Variants in VSIG10L2 observed in about 807,000 individuals in gnomAD.
VSIG10L2 encodes V-set and immunoglobulin domain-containing protein 10-like 2.
Under a neutral mutation model 67.1 loss-of-function variants are expected in VSIG10L2, and 56 were observed. The ratio of observed to expected loss-of-function variants is 0.83; its 90% CI spans 0.67 to 1.04. VSIG10L2 has a LOEUF of 1.04. Among genes scored for constraint, VSIG10L2 ranks in the 50% least tolerant of loss-of-function variants. VSIG10L2 has a pLI of 0.00. For synonymous variants in VSIG10L2, 360 were observed against 396.6 expected, an observed-to-expected ratio of 0.91 and a Z score of 1.10; for missense variants, 843 against 932.8, an observed-to-expected ratio of 0.90 and a Z score of 1.25.
rs561611932 is a variant in VSIG10L2, at chr11:125,950,394, C to T, written c.985+105C>T. On this transcript the variant is annotated intron_variant, in intron 4 of 11. Transcript: ENST00000686984. ...CAGACCCCGCCGTCCCGTGGAGAGG[C>T]GTGTGCCAAAGCTGCTCTTGTTGGA... 1.3e-5 allele frequency: 15 copies of T among 1,154,654 alleles called. No homozygotes were observed. In the South Asian group the frequency reaches 1.8e-4, roughly 14 times the overall value. 71.5% of individuals were successfully genotyped at this position (1,154,654 alleles called of 1,614,324 possible).
intron 3 of VSIG10L2, 29 bp downstream of exon 3, chr11:125,948,609 C>G: frequency 8.1e-7 from 1 of 1,231,818 alleles, no homozygotes; most frequent in Non-Finnish European, 1.0e-6. Context: ...GGGGGGCTGT[C>G]AGGGCTGACA....
At chr11:125,949,074 A>G (rs1945331027) in intron 3 of VSIG10L2, among the ~76,000 whole-genome samples, 1 of 152,258 alleles carries the variant, frequency 6.6e-6, no homozygotes, top group South Asian at 2.1e-4. Context: ...GATGGAGCCA[A>G]TCCAAACTGA....
In VSIG10L2 at chr11:125,955,637, G is replaced by T. The variant is rs1591532340; in HGVS notation, c.2254G>T (p.Gly752Cys). The T allele has an allele frequency of 2.6e-6, 4 of 1,531,818 alleles. No homozygotes were observed. In the East Asian group the frequency reaches 7.4e-5, roughly 28 times the overall value. The allele number at this position is 1,531,818 out of a possible 1,614,324, so 94.9% of individuals were successfully genotyped here. Residue 752 changes from glycine to cysteine, a missense_variant, in exon 11 of 12, where the codon GGT becomes TGT. By Grantham distance (159) the Gly-to-Cys change is radical. This residue lies in a region of VSIG10L2 where 397 missense variants were observed against 384.4 expected (regional missense o/e 1.03). Transcript: ENST00000686984. ...VPTEQRHQQR[G>C]SREDAEAPAG... ...CAGGGAGCAAAGGCACCAACAGAGG[G>T]GTTCCAGAGAAGATGCTGAGGCACC...
chr11:125,947,967 T>A lies in VSIG10L2; in HGVS notation c.364T>A (p.Cys122Ser). Residue 122 changes from cysteine (C) to serine (S), a missense_variant, in exon 2 of 12, where the codon TGC becomes AGC. Cys to Ser is a moderately radical substitution (Grantham distance 112). Around this residue, in one of 2 missense-constraint regions of VSIG10L2, gnomAD observed 446 missense variants for 548.4 expected, o/e 0.81. Coordinates refer to ENST00000686984, the MANE Select transcript of VSIG10L2 (RefSeq NM_001365077.2). The stretch of plus-strand genomic sequence containing the variant: ...CGAGGGTGCCCGTGGCCACTTCCTA[T>A]GCCAGGTTCTGCACGTGGCTGGCGG... ...LHEGARGHFL[C>S]QVLHVAGGQL... is the part of the protein sequence containing the mutation. 8.1e-7 allele frequency: 1 copy of A among 1,232,284 alleles called. No individual in the cohort carries two copies. The highest frequency in any genetic ancestry group is 1.0e-6 in the Non-Finnish European group (1 of 988,058). 76.3% of individuals were successfully genotyped at this position (1,232,284 alleles called of 1,614,324 possible). A position where few individuals can be genotyped will look rare whatever the true frequency, so the allele number is the denominator to read the frequency against.
chr11:125,947,713 C>T lies in VSIG10L2; in HGVS notation c.110C>T (p.Pro37Leu). The T allele has an allele frequency of 8.1e-7, 1 of 1,232,386 alleles. No individual in the cohort carries two copies. Among genetic ancestry groups the T allele is most frequent in the African/African-American group, 1.5e-5 (1 of 64,554 alleles). The allele number at this position is 1,232,386 out of a possible 1,614,324, so 76.3% of individuals were successfully genotyped here. ...SGQPHPTPEAPVEEVVSVQGV... is the reference protein window; with the variant it reads ...SGQPHPTPEALVEEVVSVQGV... ...CAGCCCCACCCGACCCCCGAGGCCC[C>T]TGTAGAGGAGGTGGTGTCTGTCCAG... Residue 37 changes from proline (P) to leucine (L), a missense_variant, in exon 2 of 12, where the codon CCT (proline) becomes CTT (leucine). Physicochemically the swap from Pro to Leu is moderately conservative, Grantham distance 98. This residue lies in a region of VSIG10L2 where 446 missense variants were observed against 548.4 expected (regional missense o/e 0.81). Coordinates refer to ENST00000686984, the MANE Select transcript of VSIG10L2 (RefSeq NM_001365077.2).
chr11:125,954,532 A>C, intron 8 of VSIG10L2, 149 bp downstream of exon 8: 1 of 594,026 alleles, frequency 1.7e-6, no homozygotes. Flanking sequence ...CTCTCTCTCC[A>C]CTCTCCCCTC....
At chr11:125,952,961 T>C (rs1015099011) in intron 6 of VSIG10L2, among the ~76,000 whole-genome samples, 15 of 152,318 alleles carry the variant, frequency 9.8e-5, no homozygotes, top group Non-Finnish European at 1.8e-4. Context: ...AGGAGATTCA[T>C]TGACACCTGA....
At chr11:125,953,745 A>T in intron 7 of VSIG10L2, 55 bp downstream of exon 7, 1 of 1,227,092 alleles carries the variant, frequency 8.1e-7, no homozygotes, top group Middle Eastern at 3.1e-4. Context: ...GGAGACCAAC[A>T]GCCACAGAGT....
At chr11:125,954,003 CTCT>C in intron 7 of VSIG10L2, 81 bp from the exon 8 acceptor site, 1 of 1,150,972 alleles carries the variant, frequency 8.7e-7, no homozygotes, top group Non-Finnish European at 1.1e-6. Flanking sequence ...GCCAGGCTGT[CTCT>C]TGACAGGAGC....
At chr11:125,952,817 C>T (rs532708273) in intron 6 of VSIG10L2, among the ~76,000 whole-genome samples, 66 of 152,360 alleles carry the variant, frequency 4.3e-4, no homozygotes, top group Admixed American at 3.4e-3. Context: ...TCACACACAA[C>T]AGTTCTCACA....
rs1404612795 is a variant in VSIG10L2 at position 125,946,260 on chromosome 11, C to T, written c.82+123C>T. ...TGAAGTCCGTTCAGTCATTCATCGG[C>T]TAGACATTTAACTAGCGTTCACTGA... On this transcript the variant is annotated intron_variant, in intron 1 of 11. Transcript: ENST00000686984. The surrounding 1 kb of genome is among the most constrained non-coding windows in gnomAD (Gnocchi z 4.4). 2.5e-6 allele frequency: 1 copy of T among 396,880 alleles called. No homozygotes were observed. Among genetic ancestry groups the T allele is most frequent in the Non-Finnish European group, 4.4e-6 (1 of 225,362 alleles). 24.6% of individuals were successfully genotyped at this position (396,880 alleles called of 1,614,324 possible). A position where few individuals can be genotyped will look rare whatever the true frequency, so the allele number is the denominator to read the frequency against.
At chr11:125,949,422 G>T (rs147408431) in intron 3 of VSIG10L2, among the ~76,000 whole-genome samples, 151 of 152,296 alleles carry the variant, frequency 9.9e-4, no homozygotes, top group African/African-American at 3.4e-3. Flanking sequence ...TCACCGTGGC[G>T]GTTTGTGGAA....
chr11:125,955,752 C>A, intron 11 of VSIG10L2, 65 bp from the exon 12 acceptor site: 2 of 1,187,786 alleles, frequency 1.7e-6, no homozygotes, highest in Non-Finnish European at 2.4e-6. Flanking sequence ...CTCTCTTGAG[C>A]TCTGGGAACA....
At chr11:125,954,981 G>A (rs770416015) in intron 8 of VSIG10L2, 76 bp from the exon 9 acceptor site, 193 of 1,227,442 alleles carry the variant, frequency 1.6e-4, no homozygotes, top group Non-Finnish European at 1.9e-4. Flanking sequence ...CAGAACCCTA[G>A]TGGTTCCCTA....
chr11:125,948,308 C>T lies in VSIG10L2; in HGVS notation c.437C>T (p.Pro146Leu), dbSNP rs949335899. ...YSHLTLAVLV[P>L]VSKPQVRLSN... ...GGCCTCTCCCTCCTCTGGCCAGTGC[C>T]GGTGTCCAAGCCTCAAGTGCGACTG... The change falls in exon 3 of 12, where the codon CCG becomes CTG. Residue 146 changes from proline to leucine, a missense_variant. By Grantham distance (98) the Pro-to-Leu change is moderately conservative (BLOSUM62 -3). This residue lies in a region of VSIG10L2 where 446 missense variants were observed against 548.4 expected (regional missense o/e 0.81). Transcript: ENST00000686984. The T allele has an allele frequency of 7.3e-6, 9 of 1,232,604 alleles. No individual in the cohort carries two copies. In the South Asian group the frequency reaches 1.6e-4, roughly 23 times the overall value. The allele number at this position is 1,232,604 out of a possible 1,614,324, so 76.4% of individuals were successfully genotyped here.
At chr11:125,950,710 G>A (rs988616650) in intron 4 of VSIG10L2, among the ~76,000 whole-genome samples, 200 bp from the exon 5 acceptor site, 10 of 152,012 alleles carry the variant, frequency 6.6e-5, no homozygotes, top group African/African-American at 1.9e-4. Context: ...CTGTACACTC[G>A]GTAACCTCCT....
intron 2 of VSIG10L2, 130 bp from the exon 3 acceptor site, chr11:125,948,175 G>T (rs1469466775): frequency 8.1e-7 from 1 of 1,231,392 alleles, no homozygotes; most frequent in Non-Finnish European, 1.0e-6. Context: ...GAAAGCTGGG[G>T]TGATGAGGAA....
At chr11:125,951,767 C>T in intron 5 of VSIG10L2, 46 bp from the exon 6 acceptor site, 2 of 1,441,042 alleles carry the variant, frequency 1.4e-6, no homozygotes, top group Non-Finnish European at 1.8e-6. Context: ...AACTGCCAAG[C>T]CCTTCCTCCT....
intron 5 of VSIG10L2, among the ~76,000 whole-genome samples, 174 bp from the exon 6 acceptor site, chr11:125,951,639 G>A (rs766976723): frequency 6.6e-6 from 1 of 152,216 alleles, no homozygotes; most frequent in Non-Finnish European, 1.5e-5. Flanking sequence ...TTTAATGTCT[G>A]TTCCCACCAT....
Sources: allele counts gnomAD v4.1 joint callset (sites outside exome capture counted in the v4.1 genomes callset), GRCh38; gene constraint gnomAD v4.1.1; regional missense constraint gnomAD v4.1.1; non-coding constraint Gnocchi (gnomAD v3.1); transcripts MANE v1.5; gene names NCBI Gene and HGNC (gene_info 2026-07-23, HGNC 2026-07-21).